SLC2A14: variants seen among roughly 807,000 people sequenced by gnomAD.
The protein encoded by SLC2A14 is solute carrier family 2, facilitated glucose transporter member 14.
A neutral mutation model predicts 43.0 loss-of-function variants in SLC2A14; 13 were observed. The observed-to-expected ratio is 0.30, with a 90% CI of 0.20 to 0.48. The LOEUF is 0.48. Ranked by LOEUF, SLC2A14 falls within the 20% of genes least tolerant of loss-of-function variation. The probability of loss-of-function intolerance (pLI) is 0.99; values close to 1 mark genes in which losing one functional copy is unlikely to be tolerated. For missense variants in SLC2A14, 428 were observed against 620.4 expected (o/e 0.69, Z 3.29); for synonymous variants, 190 against 233.8 (o/e 0.81, Z 1.71).
intron 1 of SLC2A14, among the ~76,000 whole-genome samples, chr12:7,887,531 T>C (rs1184329395): frequency 1.3e-5 from 2 of 151,918 alleles, no homozygotes; most frequent in Admixed American, 6.6e-5. Context: ...ACAGAGCTTA[T>C]ATTCTAGTGA....
chr12:7,889,401 A>T (rs1945740459), intron 1 of SLC2A14, among the ~76,000 whole-genome samples: 1 of 151,108 alleles, frequency 6.6e-6, no homozygotes, highest in South Asian at 2.1e-4. Flanking sequence ...ACGCCCGGCT[A>T]ATTTTGTATT....
upstream of SLC2A14, among the ~76,000 whole-genome samples, chr12:7,875,670 T>G (rs185979385): frequency 8.5e-5 from 13 of 152,120 alleles, no homozygotes; most frequent in East Asian, 2.3e-3. Context: ...GAGATTAGTG[T>G]ACTTATAAAA....
At chr12:7,826,878 T>C (rs1200266677) in intron 7 of SLC2A14, among the ~76,000 whole-genome samples, 1,554 of 36,836 alleles carry the variant, frequency 0.042, 372 homozygotes, top group African/African-American at 0.1. Context: ...TCTTTCTTTC[T>C]TTCTTTCTTT....
chr12:7,878,992 A>AC (rs1945515368), intron 1 of SLC2A14, among the ~76,000 whole-genome samples: 7 of 90,734 alleles, frequency 7.7e-5, no homozygotes, highest in Non-Finnish European at 1.4e-4. Context: ...AAAAAAAAAA[A>AC]AAAAAAAAAA....
chr12:7,817,691 T>C, intron 10 of SLC2A14, 140 bp downstream of exon 10: 7 of 1,022,966 alleles, frequency 6.8e-6, no homozygotes, highest in Non-Finnish European at 9.6e-6. Flanking sequence ...CGCTTGTCAG[T>C]GAGCTGAGAT....
chr12:7,817,900 C>T lies in SLC2A14; in HGVS notation c.1206G>A (p.Ala402=), dbSNP rs780123440. 13 of 1,614,200 alleles carry T rather than the reference C, an allele frequency of 8.1e-6. No homozygotes were observed. The highest frequency in any genetic ancestry group is 2.2e-5 in the East Asian group (1 of 44,876). Residue 402 remains alanine, a synonymous_variant, in exon 10 of 11, where the codon GCG becomes GCA. Transcript: ENST00000431042. Reference sequence around the variant, plus strand: ...AGTTGGAGCAGCCGGCCACTGCCATCGCAGCTGGGCGGGGGCCCTGGCTGA... The same window carrying T: ...AGTTGGAGCAGCCGGCCACTGCCATTGCAGCTGGGCGGGGGCCCTGGCTGA... ...ELFSQGPRPA[A]MAVAGCSNWT... is the part of the protein sequence containing the mutation.
intron 2 of SLC2A14, among the ~76,000 whole-genome samples, chr12:7,864,314 G>A (rs966053096): frequency 1.3e-5 from 2 of 151,868 alleles, no homozygotes; most frequent in African/African-American, 4.8e-5. Flanking sequence ...TCCTCTTGTG[G>A]TTTGAGCTTT....
At chr12:7,878,909 G>A (rs755475672) in intron 1 of SLC2A14, among the ~76,000 whole-genome samples, 22 of 145,488 alleles carry the variant, frequency 1.5e-4, no homozygotes, top group Non-Finnish European at 3.3e-4. Context: ...CCAGGGAGTC[G>A]GAGGTTGCAG....
At chr12:7,817,734 T>A in intron 10 of SLC2A14, 97 bp downstream of exon 10, 6 of 532,134 alleles carry the variant, frequency 1.1e-5, no homozygotes, top group Non-Finnish European at 1.4e-5. Context: ...AGACTCAGTC[T>A]CAAAAATATA....
intron 7 of SLC2A14, 112 bp from the exon 8 acceptor site, chr12:7,821,437 C>A: frequency 2.3e-6 from 2 of 868,270 alleles, no homozygotes; most frequent in Non-Finnish European, 3.7e-6. Context: ...AATCCCAGCA[C>A]TTTGGGAGGC....
intron 1 of SLC2A14, among the ~76,000 whole-genome samples, chr12:7,883,263 C>CTTTTTT (rs372464881): frequency 1.8e-5 from 2 of 108,402 alleles, no homozygotes; most frequent in African/African-American, 3.5e-5. Flanking sequence ...TTCTTTCTTT[C>CTTTTTT]TTTTTTTTTT....
At chr12:7,815,365 G>C (rs930464326) in intron 10 of SLC2A14, among the ~76,000 whole-genome samples, 1 of 152,070 alleles carries the variant, frequency 6.6e-6, no homozygotes, top group South Asian at 2.1e-4. Flanking sequence ...GCAGTGAGCC[G>C]AGAGTGAGCC....
intron 2 of SLC2A14, 36 bp from the exon 3 acceptor site, chr12:7,832,850 C>T (rs1200525089): frequency 1.9e-6 from 3 of 1,593,644 alleles, no homozygotes; most frequent in Non-Finnish European, 2.6e-6. Context: ...GAGAATAGTC[C>T]TTAAAACTTG....
chr12:7,820,214 C>A (rs2120680224), intron 8 of SLC2A14, among the ~76,000 whole-genome samples: 1 of 136,058 alleles, frequency 7.3e-6, no homozygotes, highest in Admixed American at 7.5e-5. Context: ...TGCTCAGGAT[C>A]CCTCCAGACC....
chr12:7,820,525 T>C (rs1170177249), intron 8 of SLC2A14, among the ~76,000 whole-genome samples: 2 of 152,146 alleles, frequency 1.3e-5, no homozygotes. Flanking sequence ...ACCTAGATAG[T>C]GTCCACTACG....
intron 1 of SLC2A14, among the ~76,000 whole-genome samples, chr12:7,882,265 G>C (rs981812715): frequency 6.8e-6 from 1 of 146,470 alleles, no homozygotes; most frequent in Non-Finnish European, 1.5e-5. Flanking sequence ...CCTTAAGAGA[G>C]CTGTAACACT....
chr12:7,833,664 C>T (rs1865212572), intron 2 of SLC2A14, among the ~76,000 whole-genome samples: 1 of 151,966 alleles, frequency 6.6e-6, no homozygotes, highest in African/African-American at 2.4e-5. Flanking sequence ...GCCTGTAATC[C>T]CAGCTACTAG....
At chr12:7,866,380 AG>A (rs1245409859) in intron 2 of SLC2A14, among the ~76,000 whole-genome samples, 1 of 151,936 alleles carries the variant, frequency 6.6e-6, no homozygotes, top group Non-Finnish European at 1.5e-5. Context: ...TTTTACTTTG[AG>A]ATGGAGTCTT....
rs1863233514 is a variant in SLC2A14, at chr12:7,814,166, G to A, written c.*150C>T. 6.9e-7 allele frequency: 1 copy of A among 1,450,900 alleles called. No homozygotes were observed. Among genetic ancestry groups the A allele is most frequent in the Non-Finnish European group, 9.3e-7 (1 of 1,077,368 alleles). 89.9% of individuals were successfully genotyped at this position (1,450,900 alleles called of 1,614,324 possible). On this transcript the variant is annotated 3_prime_UTR_variant, in exon 11 of 11. Coordinates refer to ENST00000431042, the MANE Select transcript of SLC2A14 (RefSeq NM_001286234.2). Reference sequence around the variant, plus strand: ...GCCATTGAAGATCCAACAAACTGCAGCCTTGGGGTGCTCATGGAGTGCGTG... The same window carrying A: ...GCCATTGAAGATCCAACAAACTGCAACCTTGGGGTGCTCATGGAGTGCGTG...
Sources: allele counts gnomAD v4.1 joint callset (sites outside exome capture counted in the v4.1 genomes callset), GRCh38; gene constraint gnomAD v4.1.1; transcripts MANE v1.5; gene names NCBI Gene and HGNC (gene_info 2026-07-23, HGNC 2026-07-21).